The following IGF2BP2 variants were observed in gnomAD, a reference collection of about 807,000 sequenced individuals.
IGF2BP2 encodes insulin-like growth factor 2 mRNA-binding protein 2.
IGF2BP2 carries 17 observed loss-of-function variants against 75.8 expected under a neutral mutation model. That is an observed-to-expected ratio of 0.22 (90% CI 0.15 to 0.34). The LOEUF (loss-of-function observed/expected upper bound fraction) is 0.34, where lower values mean the gene tolerates loss of function less well. Among genes scored for constraint, IGF2BP2 ranks in the 10% least tolerant of loss-of-function variants. IGF2BP2 has a pLI of 1.00. For synonymous variants in IGF2BP2, 288 were observed against 295.6 expected, an observed-to-expected ratio of 0.97 and a Z score of 0.26; for missense variants, 516 against 772.4, an observed-to-expected ratio of 0.67 and a Z score of 3.93.
Position 185,789,456 on chromosome 3 carries a change from CTA to C in IGF2BP2, c.239+33695_239+33696del, listed in dbSNP as rs747858991. Among the ~76,000 whole-genome samples, 41 of 152,128 alleles carry C rather than the reference CTA, an allele frequency of 2.7e-4. 1 individual carries two copies. The highest frequency in any genetic ancestry group is 8.8e-5 in the Non-Finnish European group (6 of 68,026). ...TCTCAGATCACAGCAATAAAGATGTCTATAGATGGGCAATGACCACAGTCATA... is the reference window on the plus strand; with the variant it reads ...TCTCAGATCACAGCAATAAAGATGTCTAGATGGGCAATGACCACAGTCATA... On this transcript the variant is annotated intron_variant, in intron 2 of 15. Transcript: ENST00000382199.
intron 2 of IGF2BP2, among the ~76,000 whole-genome samples, chr3:185,777,579 T>C (rs563539473): frequency 4.3e-4 from 66 of 152,330 alleles, no homozygotes; most frequent in African/African-American, 1.5e-3. Flanking sequence ...ATAAATGAGC[T>C]ATGCACACAT....
intron 2 of IGF2BP2, among the ~76,000 whole-genome samples, chr3:185,725,566 G>GT (rs1360607797): frequency 3.3e-5 from 5 of 152,166 alleles, no homozygotes; most frequent in African/African-American, 9.7e-5. Context: ...GACTAATATT[G>GT]TTTTTTTCTG....
intron 2 of IGF2BP2, among the ~76,000 whole-genome samples, chr3:185,753,258 G>A (rs1473104735): frequency 1.3e-5 from 2 of 152,114 alleles, no homozygotes; most frequent in Non-Finnish European, 2.9e-5. Context: ...CCTGGGAACT[G>A]TACTTGCGGA....
intron 2 of IGF2BP2, among the ~76,000 whole-genome samples, chr3:185,759,931 ATT>A (rs1732131836): frequency 6.6e-6 from 1 of 152,200 alleles, no homozygotes; most frequent in South Asian, 2.1e-4. Context: ...CATATGACAA[ATT>A]TTGTTTCATC....
At chr3:185,673,267 T>C (rs78912991) in intron 9 of IGF2BP2, among the ~76,000 whole-genome samples, 4,154 of 152,290 alleles carry the variant, frequency 0.027, 196 homozygotes, top group African/African-American at 0.095. Context: ...ACAGAGAATG[T>C]CTTACTTAGT....
intron 2 of IGF2BP2, among the ~76,000 whole-genome samples, chr3:185,775,029 A>T (rs1734371442): frequency 1.3e-5 from 2 of 152,092 alleles, no homozygotes; most frequent in African/African-American, 4.8e-5. Context: ...AAAAAGAAAA[A>T]AAAAAAAAGA....
intron 2 of IGF2BP2, among the ~76,000 whole-genome samples, chr3:185,744,495 C>T (rs1037516539): frequency 2.6e-5 from 4 of 152,116 alleles, no homozygotes; most frequent in Non-Finnish European, 5.9e-5. Flanking sequence ...TGACACCTTC[C>T]TTTCTTAGTT....
At chr3:185,731,281 G>A (rs910134532) in intron 2 of IGF2BP2, among the ~76,000 whole-genome samples, 1 of 140,870 alleles carries the variant, frequency 7.1e-6, no homozygotes, top group Non-Finnish European at 1.5e-5. Context: ...GAGTCTTGCT[G>A]TATTACCCAG....
chr3:185,740,831 G>A (rs988983733), intron 2 of IGF2BP2, among the ~76,000 whole-genome samples: 1 of 152,204 alleles, frequency 6.6e-6, no homozygotes, highest in Non-Finnish European at 1.5e-5. Flanking sequence ...ACTGTCAAGA[G>A]TAGCTGCAAG....
At chr3:185,769,347 CCT>C (rs1467374884) in intron 2 of IGF2BP2, among the ~76,000 whole-genome samples, 1 of 151,858 alleles carries the variant, frequency 6.6e-6, no homozygotes, top group African/African-American at 2.4e-5. Flanking sequence ...AGAATGACAC[CCT>C]GTCTCCAAAT....
At chr3:185,729,103 G>GTTT (rs1368199611) in intron 2 of IGF2BP2, among the ~76,000 whole-genome samples, 9 of 151,452 alleles carry the variant, frequency 5.9e-5, no homozygotes, top group African/African-American at 2.0e-4. Flanking sequence ...AAAGATTACT[G>GTTT]CTTTTTTTTT....
chr3:185,757,459 CTTTTTTTTTTTT>C (rs57417087), intron 2 of IGF2BP2, among the ~76,000 whole-genome samples: 1 of 99,610 alleles, frequency 1.0e-5, no homozygotes, highest in Non-Finnish European at 1.9e-5. Context: ...ATATCTCATA[CTTTTTTTTTTTT>C]TTTTTTTTTT....
intron 2 of IGF2BP2, among the ~76,000 whole-genome samples, chr3:185,741,973 ATGG>A (rs1279622292): frequency 1.3e-5 from 2 of 152,214 alleles, no homozygotes; most frequent in African/African-American, 4.8e-5. Flanking sequence ...TACACTAAAA[ATGG>A]TGTTGTATGT....
At chr3:185,765,797 A>G (rs985737275) in intron 2 of IGF2BP2, among the ~76,000 whole-genome samples, 1 of 152,220 alleles carries the variant, frequency 6.6e-6, no homozygotes, top group Non-Finnish European at 1.5e-5. Context: ...TGCAAGGAAG[A>G]CACTCTGATT....
At chr3:185,675,636 T>C (rs1719218588) in intron 8 of IGF2BP2, among the ~76,000 whole-genome samples, 155 bp downstream of exon 8, 1 of 152,196 alleles carries the variant, frequency 6.6e-6, no homozygotes, top group Admixed American at 6.5e-5. Flanking sequence ...GTCTACCTGG[T>C]AAGTATTTAT....
chr3:185,732,692 T>C (rs960329344), intron 2 of IGF2BP2, among the ~76,000 whole-genome samples: 8 of 152,210 alleles, frequency 5.3e-5, no homozygotes, highest in African/African-American at 1.7e-4. Context: ...AAATTTTTAA[T>C]AAAATGAAGA....
chr3:185,655,991 G>C (rs2149087299), intron 12 of IGF2BP2, among the ~76,000 whole-genome samples: 1 of 152,366 alleles, frequency 6.6e-6, no homozygotes, highest in African/African-American at 2.4e-5. Context: ...CCTGCCACAT[G>C]TGTGCCTTGC....
At chr3:185,823,372 A>G (rs890321624) in intron 1 of IGF2BP2, 159 bp from the exon 2 acceptor site, 14 of 499,848 alleles carry the variant, frequency 2.8e-5, no homozygotes, top group Non-Finnish European at 4.3e-5. Flanking sequence ...TTCCCAGTAG[A>G]AAGAAAGGTG....
chr3:185,651,314 T>C (rs895986245), intron 13 of IGF2BP2, among the ~76,000 whole-genome samples: 1 of 152,252 alleles, frequency 6.6e-6, no homozygotes, highest in African/African-American at 2.4e-5. Flanking sequence ...AATAACATTC[T>C]GTTAAATGGA....
Sources: gnomAD v4.1 joint callset for allele counts (sites outside exome capture counted in the v4.1 genomes callset) on GRCh38, gnomAD v4.1.1 for gene constraint, MANE v1.5 for transcripts, NCBI Gene and HGNC (gene_info 2026-07-23, HGNC 2026-07-21) for gene names.